Variants in FRMPD4 observed in about 807,000 individuals in gnomAD.
FRMPD4 encodes the protein FERM and PDZ domain containing 4, also known as FERM and PDZ domain-containing protein 4.
FRMPD4 carries 22 observed loss-of-function variants against 94.1 expected under a neutral mutation model. That is an observed-to-expected ratio of 0.23 (90% CI 0.17 to 0.33). FRMPD4 has a LOEUF of 0.33. Among genes scored for constraint, FRMPD4 ranks in the 10% least tolerant of loss-of-function variants. The pLI is 1.00. For missense variants in FRMPD4, 1,111 were observed against 1,339.9 expected, an observed-to-expected ratio of 0.83 and a Z score of 2.67; for synonymous variants, 631 against 548.6, an observed-to-expected ratio of 1.15 and a Z score of -2.10.
intron 1 of FRMPD4, among the ~76,000 whole-genome samples, chrX:12,242,287 T>C (rs1361881495): frequency 9.0e-6 from 1 of 111,469 alleles, no homozygotes; most frequent in African/African-American, 3.3e-5. Context: ...TTAATGGTCA[T>C]CTCTGTTCAA....
At chrX:12,674,262 G>C (rs1026146961) in intron 4 of FRMPD4, among the ~76,000 whole-genome samples, 1 of 111,768 alleles carries the variant, frequency 8.9e-6, no homozygotes, top group African/African-American at 3.3e-5. Context: ...ATATTTATCA[G>C]CCCAGGGTCC....
At chrX:12,508,978 T>TAAGA in intron 2 of FRMPD4, among the ~76,000 whole-genome samples, 1 of 64,896 alleles carries the variant, frequency 1.5e-5, no homozygotes, top group South Asian at 9.6e-4. Context: ...GGCGACAGAG[T>TAAGA]AAGACTCTGT....
Position 12,244,614 on chromosome X carries a change from G to A in FRMPD4, c.41+105602G>A, listed in dbSNP as rs763206964. On this transcript the variant is annotated intron_variant, in intron 1 of 16. Transcript: ENST00000675598. ...GTGGTGGTTGAAATCCAGAAATAGT[G>A]TAGCCTGTAAAGTCTAAAATATTTA... is the stretch of plus-strand genomic sequence containing the variant. Among the ~76,000 whole-genome samples the A allele has an allele frequency of 1.2e-3, 131 of 112,051 alleles. 1 individual carries two copies. Among genetic ancestry groups the A allele is most frequent in the Non-Finnish European group, 1.7e-3 (88 of 53,214 alleles).
intron 2 of FRMPD4, among the ~76,000 whole-genome samples, chrX:12,605,438 G>A (rs1254840262): frequency 9.0e-6 from 1 of 111,408 alleles, no homozygotes; most frequent in Non-Finnish European, 1.9e-5. Context: ...TCTCACCCTG[G>A]TCCAAGCCAC....
intron 2 of FRMPD4, among the ~76,000 whole-genome samples, chrX:12,513,858 G>A (rs61052733): frequency 1.6e-3 from 183 of 112,098 alleles, no homozygotes; most frequent in African/African-American, 5.9e-3. Flanking sequence ...AGCATGGAAT[G>A]TTTCTCCATT....
At chrX:12,497,447 T>C (rs1346306997) in intron 1 of FRMPD4, among the ~76,000 whole-genome samples, 6 of 105,906 alleles carry the variant, frequency 5.7e-5, no homozygotes. Flanking sequence ...AATTCATGTG[T>C]TCTCTCACTG....
chrX:12,171,226 G>C (rs1468832847), intron 1 of FRMPD4, among the ~76,000 whole-genome samples: 1 of 112,449 alleles, frequency 8.9e-6, no homozygotes, highest in African/African-American at 3.2e-5. Context: ...AGCAAGTGGA[G>C]GAGCCTAGCA....
At chrX:12,578,926 C>T (rs2058838183) in intron 2 of FRMPD4, among the ~76,000 whole-genome samples, 1 of 112,003 alleles carries the variant, frequency 8.9e-6, no homozygotes, top group Non-Finnish European at 1.9e-5. Context: ...GTTGTTTATG[C>T]ATTCACAATG....
intron 3 of FRMPD4, among the ~76,000 whole-genome samples, chrX:11,935,249 G>GT (rs1218353259): frequency 0.087 from 461 of 5,281 alleles, 24 homozygotes; most frequent in African/African-American, 0.14. Flanking sequence ...TTGTTTTGTT[G>GT]TTTTTTTTTT....
rs942790114 is a variant in FRMPD4, at chrX:12,722,437, C to T, written c.*579C>T. Reference sequence around the variant, plus strand: ...GTATTTGGTTACTGGATGCTTTCTTCCAAGAATCCCACATATTTAATTTGG... The same window carrying T: ...GTATTTGGTTACTGGATGCTTTCTTTCAAGAATCCCACATATTTAATTTGG... On this transcript the variant is annotated 3_prime_UTR_variant, in exon 17 of 17. Transcript: ENST00000675598. 1 of 111,546 alleles carries T rather than the reference C, an allele frequency of 9.0e-6. No individual in the cohort carries two copies. The highest frequency in any genetic ancestry group is 1.9e-5 in the Non-Finnish European group (1 of 53,086). The allele number at this position is 111,546 out of a possible 1,213,427, so 9.2% of individuals were successfully genotyped here. A position where few individuals can be genotyped will look rare whatever the true frequency, so the allele number is the denominator to read the frequency against.
upstream of FRMPD4, among the ~76,000 whole-genome samples, chrX:12,134,083 C>T (rs753370069): frequency 2.3e-4 from 26 of 112,073 alleles, no homozygotes; most frequent in Non-Finnish European, 4.7e-4. Flanking sequence ...TTATCCTTGC[C>T]GTTCCGTCTG....
At chrX:12,541,336 C>T (rs193104176) in intron 2 of FRMPD4, among the ~76,000 whole-genome samples, 9 of 110,823 alleles carry the variant, frequency 8.1e-5, no homozygotes, top group African/African-American at 2.0e-4. Context: ...AATTGATAGA[C>T]GGCTACCAAG....
chrX:12,626,198 A>G (rs910774720), intron 4 of FRMPD4, among the ~76,000 whole-genome samples: 3 of 109,300 alleles, frequency 2.7e-5, no homozygotes, highest in Non-Finnish European at 5.7e-5. Flanking sequence ...GCATGGTGGT[A>G]CACACCTGTA....
chrX:12,241,950 G>GGA (rs2053881696), intron 1 of FRMPD4, among the ~76,000 whole-genome samples: 1 of 100,835 alleles, frequency 9.9e-6, no homozygotes, highest in Non-Finnish European at 2.0e-5. Flanking sequence ...GAAGGGGAAG[G>GGA]GGAGGAGGAG....
intron 1 of FRMPD4, among the ~76,000 whole-genome samples, chrX:12,389,698 G>T (rs2056450065): frequency 1.8e-5 from 2 of 111,465 alleles, no homozygotes; most frequent in Admixed American, 1.9e-4. Flanking sequence ...ATGTATAGAA[G>T]AGTTTACTTT....
At chrX:12,255,466 G>A (rs976588440) in intron 1 of FRMPD4, among the ~76,000 whole-genome samples, 3 of 111,603 alleles carry the variant, frequency 2.7e-5, no homozygotes, top group Non-Finnish European at 3.8e-5. Context: ...GCAATTTAAA[G>A]GTAGTGAATT....
At chrX:12,656,290 CAG>C (rs1452410769) in intron 4 of FRMPD4, among the ~76,000 whole-genome samples, 4 of 112,251 alleles carry the variant, frequency 3.6e-5, no homozygotes, top group East Asian at 2.8e-4. Flanking sequence ...CCAAATAAAA[CAG>C]AGTCATTGGT....
chrX:12,441,679 T>C (rs755574815), intron 1 of FRMPD4, among the ~76,000 whole-genome samples: 7 of 112,143 alleles, frequency 6.2e-5, no homozygotes, highest in Non-Finnish European at 1.3e-4. Flanking sequence ...TATTTCTTTT[T>C]AAGAATTGAG....
At chrX:12,339,486 A>G (rs1318503649) in intron 1 of FRMPD4, among the ~76,000 whole-genome samples, 1 of 112,242 alleles carries the variant, frequency 8.9e-6, no homozygotes, top group Non-Finnish European at 1.9e-5. Context: ...CAGGTACACA[A>G]TTTGCCAGTT....
Sources: allele counts gnomAD v4.1 joint callset (sites outside exome capture counted in the v4.1 genomes callset), GRCh38; gene constraint gnomAD v4.1.1; transcripts MANE v1.5; gene names NCBI Gene and HGNC (gene_info 2026-07-23, HGNC 2026-07-21).